Variants in C19orf12 observed in about 807,000 individuals in gnomAD.
C19orf12 encodes protein C19orf12.
A neutral mutation model predicts 3.8 loss-of-function variants in C19orf12; 2 were observed. The observed-to-expected ratio is 0.53, with a 90% confidence interval of 0.22 to 1.66. The LOEUF is 1.66. C19orf12 is among the 40% of genes most tolerant of loss of function. The pLI, the probability that C19orf12 is intolerant of heterozygous loss-of-function variation, is 0.20. For synonymous variants in C19orf12, 89 were observed against 84.6 expected (o/e 1.05, Z -0.28); for missense variants, 156 against 188.8 (o/e 0.83, Z 1.02).
intron 2 of C19orf12, among the ~76,000 whole-genome samples, chr19:29,705,121 G>A (rs1972302798): frequency 6.6e-6 from 1 of 152,086 alleles, no homozygotes; most frequent in South Asian, 2.1e-4. Context: ...GAATATCACT[G>A]ACGTCATGTG....
At position 29,699,339 on chromosome 19, in the gene C19orf12, C is replaced by T. The variant is rs751485579; in HGVS notation, c.*3373G>A. On this transcript the variant is annotated 3_prime_UTR_variant, in exon 3 of 3. Transcript: ENST00000323670. ...AAAAAATAAAAAAATAAAAATTAGC[C>T]GGGCATGGTGGCGGGCGACTGTAGT... is the stretch of plus-strand genomic sequence containing the variant. The T allele has an allele frequency of 2.2e-5, 8 of 364,344 alleles. No homozygotes were observed. The highest frequency in any genetic ancestry group is 6.4e-5 in the African/African-American group (3 of 46,522). The allele number at this position is 364,344 out of a possible 1,614,324, so 22.6% of individuals were successfully genotyped here.
At chr19:29,707,903 G>A (rs1278064247) in intron 2 of C19orf12, among the ~76,000 whole-genome samples, 1 of 138,818 alleles carries the variant, frequency 7.2e-6, no homozygotes, top group Non-Finnish European at 1.5e-5. Context: ...ATAGAGTCTC[G>A]TTCTGTCACC....
At chr19:29,710,021 AAC>A (rs1291682221) in intron 1 of C19orf12, among the ~76,000 whole-genome samples, 1 of 151,976 alleles carries the variant, frequency 6.6e-6, no homozygotes, top group African/African-American at 2.4e-5. Flanking sequence ...AAAGGCATGC[AAC>A]ACTACGCTCA....
At chr19:29,714,639 T>C (rs1972861126) in intron 1 of C19orf12, among the ~76,000 whole-genome samples, 1 of 151,790 alleles carries the variant, frequency 6.6e-6, no homozygotes, top group Non-Finnish European at 1.5e-5. Context: ...AGGTGTCCTG[T>C]CAGGATCCGC....
At chr19:29,715,422 G>A, upstream of C19orf12, 1 of 409,334 alleles carries the variant, frequency 2.4e-6, no homozygotes, top group Non-Finnish European at 4.9e-6. Context: ...GCTGTCACCG[G>A]GGCCCTGGCT....
chr19:29,700,740 G>A lies in C19orf12; in HGVS notation c.*1972C>T, dbSNP rs1389990856. On this transcript the variant is annotated 3_prime_UTR_variant, in exon 3 of 3. Coordinates refer to ENST00000323670, the MANE Select transcript of C19orf12 (RefSeq NM_031448.6). ...AAGAGCAATCGCTCTGCAAGAGAAAGGCTCGGCCCTTCCTTAATCACCATG... is the reference window on the plus strand; with the variant it reads ...AAGAGCAATCGCTCTGCAAGAGAAAAGCTCGGCCCTTCCTTAATCACCATG... The A allele has an allele frequency of 2.2e-6, 1 of 454,030 alleles. No individual in the cohort carries two copies. The highest frequency in any genetic ancestry group is 4.4e-6 in the Non-Finnish European group (1 of 226,818). The allele number at this position is 454,030 out of a possible 1,614,324, so 28.1% of individuals were successfully genotyped here.
At position 29,701,146 on chromosome 19, in the gene C19orf12, A is replaced by G. The variant is rs748206995; in HGVS notation, c.*1566T>C. ...GAATATTAGAGATATTTTACACATA[A>G]TATGTGGGAAAATGGCTTTTTAGAA... On this transcript the variant is annotated 3_prime_UTR_variant, in exon 3 of 3. Transcript: ENST00000323670. 1.1e-5 allele frequency: 5 copies of G among 454,126 alleles called. No homozygotes were observed. Among genetic ancestry groups the G allele is most frequent in the South Asian group, 7.8e-5 (5 of 64,484 alleles). The allele number at this position is 454,126 out of a possible 1,614,324, so 28.1% of individuals were successfully genotyped here. A position where few individuals can be genotyped will look rare whatever the true frequency, so the allele number is the denominator to read the frequency against.
intron 1 of C19orf12, among the ~76,000 whole-genome samples, chr19:29,712,467 T>C (rs1483536666): frequency 6.6e-6 from 1 of 151,762 alleles, no homozygotes; most frequent in Non-Finnish European, 1.5e-5. Context: ...TAAGAAGAGC[T>C]ACCCTGGACC....
intron 2 of C19orf12, among the ~76,000 whole-genome samples, chr19:29,703,630 C>T (rs1296510215): frequency 2.6e-5 from 4 of 151,944 alleles, no homozygotes; most frequent in South Asian, 2.1e-4. Context: ...CCGCCTACCT[C>T]GGCCCCGCAA....
chr19:29,711,257 C>T (rs958109090), intron 1 of C19orf12, among the ~76,000 whole-genome samples: 4 of 152,260 alleles, frequency 2.6e-5, no homozygotes, highest in African/African-American at 9.6e-5. Flanking sequence ...CCAGGCTGGT[C>T]TTGAACTCCT....
chr19:29,715,252 C>T lies in C19orf12; in HGVS notation c.-138G>A, dbSNP rs931502347. 5.2e-6 allele frequency: 2 copies of T among 387,842 alleles called. No individual in the cohort carries two copies. Among genetic ancestry groups the T allele is most frequent in the Non-Finnish European group, 9.7e-6 (2 of 205,566 alleles). The allele number at this position is 387,842 out of a possible 1,614,324, so 24.0% of individuals were successfully genotyped here. On this transcript the variant is annotated 5_prime_UTR_variant, in exon 1 of 3. Transcript: ENST00000323670. ...AGGGTCGCGCAGGCCTTGGTGGCGGCCCCGGCGCTGGCCCCGCCCTCCGTC... is the reference window on the plus strand; with the variant it reads ...AGGGTCGCGCAGGCCTTGGTGGCGGTCCCGGCGCTGGCCCCGCCCTCCGTC...
intron 1 of C19orf12, among the ~76,000 whole-genome samples, chr19:29,710,039 T>C (rs542217547): frequency 6.6e-6 from 1 of 152,180 alleles, no homozygotes; most frequent in South Asian, 2.1e-4. Context: ...GCTCAGCTAA[T>C]TTTTTGTTTT....
chr19:29,715,759 T>TG (rs1972922114), upstream of C19orf12: 1 of 153,838 alleles, frequency 6.5e-6, no homozygotes, highest in South Asian at 1.8e-4. Flanking sequence ...CCTCTGGGTC[T>TG]GGGGGTTGCA....
intron 2 of C19orf12, among the ~76,000 whole-genome samples, chr19:29,707,862 T>C (rs1331356408): frequency 1.3e-5 from 2 of 151,030 alleles, no homozygotes; most frequent in Non-Finnish European, 2.9e-5. Flanking sequence ...CTTTTCTTTT[T>C]TCTTTTTCCT....
intron 1 of C19orf12, among the ~76,000 whole-genome samples, chr19:29,708,849 A>T (rs1402558039): frequency 6.6e-6 from 1 of 152,214 alleles, no homozygotes; most frequent in Non-Finnish European, 1.5e-5. Context: ...AGCTGAGGCC[A>T]AGCCAGAGCC....
In C19orf12 at chr19:29,701,024, C is replaced by T. The variant is rs889080399; in HGVS notation, c.*1688G>A. 2.6e-5 allele frequency: 12 copies of T among 453,962 alleles called. No individual in the cohort carries two copies. The highest frequency in any genetic ancestry group is 1.0e-4 in the African/African-American group (5 of 50,002). The allele number at this position is 453,962 out of a possible 1,614,324, so 28.1% of individuals were successfully genotyped here. A position where few individuals can be genotyped will look rare whatever the true frequency, so the allele number is the denominator to read the frequency against. On this transcript the variant is annotated 3_prime_UTR_variant, in exon 3 of 3. Transcript: ENST00000323670. ...CTCCCACTTTGGCCTCCAAAAGTGC[C>T]GACATTACAAGCATGAGCCACCTCA...
intron 1 of C19orf12, among the ~76,000 whole-genome samples, chr19:29,709,331 T>C (rs1972547482): frequency 6.6e-6 from 1 of 152,140 alleles, no homozygotes; most frequent in African/African-American, 2.4e-5. Flanking sequence ...AGAGACGGGC[T>C]CTGGAGAGCC....
chr19:29,703,094 G>C lies in C19orf12; in HGVS notation c.161-117C>G, dbSNP rs1599534938. ...GAGCAGGCACATTCATGAGCGGGCT[G>C]CAGCGGGCTCAGCCGGTGCCACGCC... On this transcript the variant is annotated intron_variant, in intron 2 of 2. Transcript: ENST00000323670. 53 of 1,420,466 alleles carry C rather than the reference G, an allele frequency of 3.7e-5. No homozygotes were observed. The East Asian group carries it at 1.3e-3, about 34-fold the overall frequency. The allele number at this position is 1,420,466 out of a possible 1,614,324, so 88.0% of individuals were successfully genotyped here.
intron 1 of C19orf12, among the ~76,000 whole-genome samples, chr19:29,712,127 C>T (rs1972711332): frequency 6.6e-6 from 1 of 151,986 alleles, no homozygotes; most frequent in Non-Finnish European, 1.5e-5. Flanking sequence ...AAGACACGGC[C>T]GGCCACGGTG....
Sources: gnomAD v4.1 joint callset for allele counts (sites outside exome capture counted in the v4.1 genomes callset) on GRCh38, gnomAD v4.1.1 for gene constraint, MANE v1.5 for transcripts, NCBI Gene and HGNC (gene_info 2026-07-23, HGNC 2026-07-21) for gene names.